The following RAP1A variants were observed in gnomAD, a reference collection of about 807,000 sequenced individuals.
The protein encoded by RAP1A is RAP1A, member of RAS oncogene family.
In RAP1A, 6 loss-of-function variants were observed where a neutral mutation model predicts 26.4. That is an observed-to-expected ratio of 0.23 (90% confidence interval 0.12 to 0.45). The LOEUF is 0.45. Among genes scored for constraint, RAP1A ranks in the 20% least tolerant of loss-of-function variants. The pLI, the probability that RAP1A is intolerant of heterozygous loss-of-function variation, is 0.99. For missense variants in RAP1A, 121 were observed against 217.2 expected (o/e 0.56, Z 2.78); for synonymous variants, 73 against 79.4 (o/e 0.92, Z 0.43).
Position 111,716,613 on chromosome 1 carries a change from C to T in RAP1A, c.*4212C>T, listed in dbSNP as rs942291473. ...GGCCCAAGGTGTGACATACATTTCC[C>T]ACTAATTGCTTCTCTCAAGAAGCAA... On this transcript the variant is annotated 3_prime_UTR_variant, in exon 8 of 8. Transcript: ENST00000369709. 2.0e-5 allele frequency: 3 copies of T among 152,196 alleles called. No individual in the cohort carries two copies. Among genetic ancestry groups the T allele is most frequent in the Admixed American group, 6.5e-5 (1 of 15,276 alleles). 9.4% of individuals were successfully genotyped at this position (152,196 alleles called of 1,614,324 possible).
chr1:111,568,228 C>A (rs1038038081), intron 1 of RAP1A, among the ~76,000 whole-genome samples: 5 of 152,116 alleles, frequency 3.3e-5, no homozygotes, highest in Admixed American at 3.3e-4. Context: ...AGAAAAGAGG[C>A]TTAATTGGTT....
chr1:111,644,570 T>TG (rs1660006271), intron 1 of RAP1A, among the ~76,000 whole-genome samples: 1 of 152,216 alleles, frequency 6.6e-6, no homozygotes, highest in South Asian at 2.1e-4. Flanking sequence ...AGACAAGGAT[T>TG]GTTTCCCAAT....
chr1:111,550,450 A>T (rs933329521), intron 1 of RAP1A, among the ~76,000 whole-genome samples: 17 of 152,078 alleles, frequency 1.1e-4, no homozygotes, highest in African/African-American at 4.1e-4. Flanking sequence ...CTTCTTTTTT[A>T]ATGAAGGTGT....
chr1:111,576,161 G>C (rs1658143614), intron 1 of RAP1A, among the ~76,000 whole-genome samples: 1 of 152,108 alleles, frequency 6.6e-6, no homozygotes, highest in Admixed American at 6.5e-5. Context: ...TGCAAATTCT[G>C]GTTCAGTGGG....
At chr1:111,692,547 T>A (rs1173467367) in intron 2 of RAP1A, among the ~76,000 whole-genome samples, 1 of 152,144 alleles carries the variant, frequency 6.6e-6, no homozygotes, top group East Asian at 1.9e-4. Context: ...TGCAAAATGG[T>A]GTGGTCAGGG....
At chr1:111,604,944 A>G (rs1177300588) in intron 1 of RAP1A, among the ~76,000 whole-genome samples, 1 of 152,196 alleles carries the variant, frequency 6.6e-6, no homozygotes, top group African/African-American at 2.4e-5. Context: ...TGGGAGAGGA[A>G]GATCTACCAC....
At position 111,660,031 on chromosome 1, in the gene RAP1A, A is replaced by G. The variant is rs189392856; in HGVS notation, c.-27-31303A>G. Among the ~76,000 whole-genome samples, 133 of 152,358 alleles carry G rather than the reference A, an allele frequency of 8.7e-4. 1 individual carries two copies. The highest frequency in any genetic ancestry group is 4.2e-3 in the Admixed American group (65 of 15,310). On this transcript the variant is annotated intron_variant, in intron 1 of 7. Transcript: ENST00000369709. Reference sequence around the variant, plus strand: ...GATAAAGGATAAGACAAGTAAAAGTAAAGTTTCTGACCTAAGTAGTTTTCC... The same window carrying G: ...GATAAAGGATAAGACAAGTAAAAGTGAAGTTTCTGACCTAAGTAGTTTTCC...
chr1:111,598,846 C>A (rs1360260994), intron 1 of RAP1A, among the ~76,000 whole-genome samples: 2 of 152,186 alleles, frequency 1.3e-5, no homozygotes, highest in African/African-American at 4.8e-5. Flanking sequence ...CACAAAGCTG[C>A]CCCTACTTCC....
At chr1:111,573,056 A>G (rs1333347335) in intron 1 of RAP1A, among the ~76,000 whole-genome samples, 2 of 152,312 alleles carry the variant, frequency 1.3e-5, no homozygotes, top group East Asian at 1.9e-4. Context: ...AGCTCCATCC[A>G]TGTTCCTGCA....
chr1:111,691,216 C>A, intron 1 of RAP1A, 118 bp from the exon 2 acceptor site: 1 of 524,562 alleles, frequency 1.9e-6, no homozygotes, highest in Non-Finnish European at 3.2e-6. Flanking sequence ...CTTCTGTTGT[C>A]CCTTTGATAG....
chr1:111,616,418 C>T (rs1223869963), upstream of RAP1A, among the ~76,000 whole-genome samples: 1 of 152,210 alleles, frequency 6.6e-6, no homozygotes, highest in Non-Finnish European at 1.5e-5. Flanking sequence ...TCCTTAGCTC[C>T]TTGGAGCCAG....
upstream of RAP1A, among the ~76,000 whole-genome samples, chr1:111,615,341 A>G (rs916153558): frequency 2.0e-5 from 3 of 151,578 alleles, no homozygotes; most frequent in Admixed American, 6.6e-5. Flanking sequence ...CAAGCAGGAG[A>G]CCAAACAGGA....
chr1:111,714,037 C>T lies in RAP1A; in HGVS notation c.*1636C>T, dbSNP rs1662462491. On this transcript the variant is annotated 3_prime_UTR_variant, in exon 8 of 8. Transcript: ENST00000369709. Reference sequence around the variant, plus strand: ...GAGATTTTCCAGGCATGTGGTCAGCCTGTCACTTACTAAACTGAAATTTTA... The same window carrying T: ...GAGATTTTCCAGGCATGTGGTCAGCTTGTCACTTACTAAACTGAAATTTTA... 1 of 152,174 alleles carries T rather than the reference C, an allele frequency of 6.6e-6. No homozygotes were observed. The highest frequency in any genetic ancestry group is 6.5e-5 in the Admixed American group (1 of 15,276). 9.4% of individuals were successfully genotyped at this position (152,174 alleles called of 1,614,324 possible).
intron 1 of RAP1A, among the ~76,000 whole-genome samples, chr1:111,590,617 G>A (rs2101066025): frequency 6.7e-6 from 1 of 150,088 alleles, no homozygotes. Flanking sequence ...AAGAGATGGG[G>A]TCTCATTTTG....
At chr1:111,582,247 A>C (rs906668220) in intron 1 of RAP1A, among the ~76,000 whole-genome samples, 1 of 152,174 alleles carries the variant, frequency 6.6e-6, no homozygotes, top group Non-Finnish European at 1.5e-5. Flanking sequence ...ATGTGACTGA[A>C]ATAAATGGCA....
At chr1:111,587,359 G>C (rs1658388931) in intron 1 of RAP1A, among the ~76,000 whole-genome samples, 1 of 152,048 alleles carries the variant, frequency 6.6e-6, no homozygotes, top group Non-Finnish European at 1.5e-5. Flanking sequence ...AAAGCTATCA[G>C]GTCGGAACTC....
At chr1:111,651,667 G>C (rs1660276095) in intron 1 of RAP1A, among the ~76,000 whole-genome samples, 1 of 151,508 alleles carries the variant, frequency 6.6e-6, no homozygotes. Flanking sequence ...AGTAGAGATA[G>C]GGTTTCGCCA....
At chr1:111,652,842 A>C (rs966965575) in intron 1 of RAP1A, among the ~76,000 whole-genome samples, 2 of 152,192 alleles carry the variant, frequency 1.3e-5, no homozygotes, top group Non-Finnish European at 2.9e-5. Flanking sequence ...TATGCTAAAG[A>C]GATGCAATGA....
intron 1 of RAP1A, among the ~76,000 whole-genome samples, chr1:111,658,514 CT>C (rs998247723): frequency 2.1e-4 from 32 of 152,022 alleles, no homozygotes; most frequent in African/African-American, 6.0e-4. Flanking sequence ...ATTCTATAAA[CT>C]TTTTTTCTAT....
Sources: allele counts gnomAD v4.1 joint callset (sites outside exome capture counted in the v4.1 genomes callset), GRCh38; gene constraint gnomAD v4.1.1; transcripts MANE v1.5; gene names NCBI Gene and HGNC (gene_info 2026-07-23, HGNC 2026-07-21).